The following PHC2 variants were observed in gnomAD, a reference collection of about 807,000 sequenced individuals.
The protein encoded by PHC2 is polyhomeotic homolog 2, also known as polyhomeotic-like protein 2.
Under a neutral mutation model 87.4 loss-of-function variants are expected in PHC2, and 29 were observed. That is an observed-to-expected ratio of 0.33 (90% CI 0.25 to 0.45). The LOEUF (loss-of-function observed/expected upper bound fraction) is 0.45. PHC2 is among the 20% of genes least tolerant of loss of function. PHC2 has a pLI of 1.00. For missense variants in PHC2, 857 were observed against 1,136.7 expected (o/e 0.75, Z 3.54); for synonymous variants, 438 against 461.7 (o/e 0.95, Z 0.66).
Position 33,421,973 on chromosome 1 carries a change from TAGCCTGGTAAACCA to T in PHC2, c.-55+8989_-55+9002del, listed in dbSNP as rs1557850017. On this transcript the variant is annotated intron_variant, in intron 1 of 14. Coordinates refer to ENST00000683057, the MANE Select transcript of PHC2 (RefSeq NM_001385109.1). ...CCTCCACCATAAAGTCCAAATTCCT[TAGCCTGGTAAACCA>T]AGCCTTTTGTGATTTGATGCCAGCC... Among the ~76,000 whole-genome samples, 5 of 152,176 alleles carry T rather than the reference TAGCCTGGTAAACCA, an allele frequency of 3.3e-5. No individual in the cohort carries two copies. The South Asian group carries it at 1.0e-3, about 32-fold the overall frequency.
Position 33,375,387 on chromosome 1 carries a change from A to T in PHC2, c.153T>A (p.Ile51=). 6.3e-7 allele frequency: 1 copy of T among 1,598,638 alleles called. No homozygotes were observed. Among genetic ancestry groups the T allele is most frequent in the Non-Finnish European group, 8.5e-7 (1 of 1,171,912 alleles). ...TGPQISVYSG[I]PDRQTVQVIQ... ...TTACCTGCACGGTCTGCCGGTCTGGAATACCACTGTACACAGAAATCTGGG... is the reference window on the plus strand; with the variant it reads ...TTACCTGCACGGTCTGCCGGTCTGGTATACCACTGTACACAGAAATCTGGG... Residue 51 remains isoleucine, a synonymous_variant, in exon 2 of 15, where the codon ATT becomes ATA. Coordinates refer to ENST00000683057, the MANE Select transcript of PHC2 (RefSeq NM_001385109.1).
At chr1:33,427,705 A>C (rs1198017867) in intron 1 of PHC2, among the ~76,000 whole-genome samples, 3 of 152,216 alleles carry the variant, frequency 2.0e-5, no homozygotes, top group Non-Finnish European at 4.4e-5. Context: ...CTGCAGCTCA[A>C]AACTTTTTCT....
chr1:33,429,764 A>T (rs1650823225), intron 1 of PHC2, among the ~76,000 whole-genome samples: 1 of 152,264 alleles, frequency 6.6e-6, no homozygotes, highest in Non-Finnish European at 1.5e-5. Context: ...AAAGACATCA[A>T]GAGCAACGTG....
rs1646590476 is a variant in PHC2, at chr1:33,334,886, C to T, written c.1559-594G>A. On this transcript the variant is annotated intron_variant, in intron 9 of 14. Coordinates refer to ENST00000683057, the MANE Select transcript of PHC2 (RefSeq NM_001385109.1). This position sits in a 1 kb window ranked among gnomAD's most constrained non-coding sequence, Gnocchi z 5.5. ...TATATTTGACTATTCAGAGACTGGT[C>T]ATCTGGGGTCAGTGCATTGAAATAT... 6.6e-6 allele frequency among the ~76,000 whole-genome samples: 1 copy of T among 152,226 alleles called. No individual in the cohort carries two copies. The highest frequency in any genetic ancestry group is 1.5e-5 in the Non-Finnish European group (1 of 68,042).
intron 1 of PHC2, among the ~76,000 whole-genome samples, chr1:33,418,652 C>G (rs983055394): frequency 7.2e-5 from 11 of 151,988 alleles, no homozygotes; most frequent in Non-Finnish European, 1.6e-4. Flanking sequence ...TTGGTGAATT[C>G]CATTAAATAT....
chr1:33,426,619 C>T (rs1470559197), intron 1 of PHC2, among the ~76,000 whole-genome samples: 1 of 152,130 alleles, frequency 6.6e-6, no homozygotes, highest in Non-Finnish European at 1.5e-5. Flanking sequence ...TAAGCAATTC[C>T]TTGCCTCTTT....
intron 9 of PHC2, chr1:33,346,861 G>A (rs1430967975): frequency 3.0e-6 from 3 of 985,192 alleles, no homozygotes; most frequent in Non-Finnish European, 2.4e-6. Context: ...AGACACCTAC[G>A]AGCACACCAG....
chr1:33,362,778 A>ACAACTCAAATGTCTGCAGCT lies in PHC2; in HGVS notation c.976+4318_976+4337dup, dbSNP rs1411838842. The stretch of plus-strand genomic sequence containing the variant: ...TTGAAACTTAATCATGTTTCAAAGC[A>ACAACTCAAATGTCTGCAGCT]CAACTCAAATGTCTGCAGCTCCCAT... On this transcript the variant is annotated intron_variant, in intron 7 of 14. Coordinates refer to ENST00000683057, the MANE Select transcript of PHC2 (RefSeq NM_001385109.1). Among the ~76,000 whole-genome samples, 8 of 152,346 alleles carry ACAACTCAAATGTCTGCAGCT rather than the reference A, an allele frequency of 5.3e-5. No homozygotes were observed. The South Asian group carries it at 1.0e-3, about 20-fold the overall frequency.
In PHC2 at chr1:33,349,065, TAGGA is replaced by T. The variant is rs1349237242; in HGVS notation, c.1558+5332_1558+5335del. 6 of 984,060 alleles carry T rather than the reference TAGGA, an allele frequency of 6.1e-6. No individual in the cohort carries two copies. The African/African-American group carries it at 1.0e-4, about 17-fold the overall frequency. The allele number at this position is 984,060 out of a possible 1,614,324, so 61.0% of individuals were successfully genotyped here. Reference sequence around the variant, plus strand: ...AAATATAGTCTACCTTCATTTGGCATAGGAAGGAGAGAAAACGCTCTTCTAAAAA... The same window carrying T: ...AAATATAGTCTACCTTCATTTGGCATAGGAGAGAAAACGCTCTTCTAAAAA... On this transcript the variant is annotated intron_variant, in intron 9 of 14. Transcript: ENST00000683057. The surrounding 1 kb of genome is among the most constrained non-coding windows in gnomAD (Gnocchi z 4.2).
intron 2 of PHC2, among the ~76,000 whole-genome samples, chr1:33,372,860 A>G (rs371889793): frequency 6.6e-6 from 1 of 152,230 alleles, no homozygotes; most frequent in African/African-American, 2.4e-5. Context: ...GTGAAGCTCA[A>G]TAAGGCAGGG....
At chr1:33,345,735 AATAATT>A (rs1646833339) in intron 9 of PHC2, 1 of 984,452 alleles carries the variant, frequency 1.0e-6, no homozygotes. Flanking sequence ...CAGAATTTGT[AATAATT>A]ATGTCTTGGA....
intron 7 of PHC2, among the ~76,000 whole-genome samples, chr1:33,365,456 G>A (rs2148314677): frequency 6.6e-6 from 1 of 152,306 alleles, no homozygotes; most frequent in South Asian, 2.1e-4. Context: ...GGGGTTCTCA[G>A]GAAGGCCTGA....
At chr1:33,395,626 T>C (rs562886547) in intron 1 of PHC2, among the ~76,000 whole-genome samples, 2 of 152,278 alleles carry the variant, frequency 1.3e-5, no homozygotes, top group East Asian at 1.9e-4. Context: ...AAGGCAAGTA[T>C]GGTAAAATGT....
intron 1 of PHC2, 75 bp from the exon 2 acceptor site, chr1:33,375,668 A>C (rs1648137618): frequency 1.0e-6 from 1 of 967,132 alleles, no homozygotes; most frequent in Non-Finnish European, 1.5e-6. Flanking sequence ...AGCCTTTTGT[A>C]TCTGTGGGTT....
At chr1:33,354,749 A>T in intron 8 of PHC2, 89 bp downstream of exon 8, 1 of 1,456,386 alleles carries the variant, frequency 6.9e-7, no homozygotes, top group Non-Finnish European at 9.4e-7. Flanking sequence ...CCGTCAGCCT[A>T]CCCAGAAGCA....
At chr1:33,402,328 G>C (rs1417662131) in intron 1 of PHC2, among the ~76,000 whole-genome samples, 1 of 152,182 alleles carries the variant, frequency 6.6e-6, no homozygotes, top group Non-Finnish European at 1.5e-5. Context: ...ATGTTCACAT[G>C]GAATGGGTAG....
intron 1 of PHC2, among the ~76,000 whole-genome samples, chr1:33,389,585 A>G (rs1471610320): frequency 6.6e-6 from 1 of 152,104 alleles, no homozygotes; most frequent in Non-Finnish European, 1.5e-5. Flanking sequence ...TAGCTCTGGA[A>G]TCACAAAGCA....
chr1:33,380,603 C>T (rs1196662930), intron 1 of PHC2, among the ~76,000 whole-genome samples: 1 of 152,198 alleles, frequency 6.6e-6, no homozygotes, highest in East Asian at 1.9e-4. Flanking sequence ...GGGTGGTTTC[C>T]ACCTTTTGGC....
intron 1 of PHC2, among the ~76,000 whole-genome samples, chr1:33,400,725 A>C (rs780654729): frequency 1.3e-5 from 2 of 152,192 alleles, no homozygotes; most frequent in Non-Finnish European, 2.9e-5. Context: ...ACATATGCAC[A>C]TAACTGAATA....
Sources: gnomAD v4.1 joint callset for allele counts (sites outside exome capture counted in the v4.1 genomes callset) on GRCh38, gnomAD v4.1.1 for gene constraint, Gnocchi (gnomAD v3.1) non-coding constraint, MANE v1.5 for transcripts, NCBI Gene and HGNC (gene_info 2026-07-23, HGNC 2026-07-21) for gene names.